CADM2: variants seen among roughly 807,000 people sequenced by gnomAD.
The protein encoded by CADM2 is cell adhesion molecule 2, also known as immunoglobulin superfamily member 4D.
Under a neutral mutation model 49.8 loss-of-function variants are expected in CADM2, and 12 were observed. The observed-to-expected ratio is 0.24, with a 90% CI of 0.15 to 0.39. CADM2 has a LOEUF of 0.39. Among genes scored for constraint, CADM2 ranks in the 10% least tolerant of loss-of-function variants. CADM2 has a pLI of 1.00. For synonymous variants in CADM2, 214 were observed against 175.4 expected, an observed-to-expected ratio of 1.22 and a Z score of -1.74; for missense variants, 378 against 492.3, an observed-to-expected ratio of 0.77 and a Z score of 2.20.
At chr3:85,621,767 C>T (rs1358206713) in intron 1 of CADM2, among the ~76,000 whole-genome samples, 1 of 152,088 alleles carries the variant, frequency 6.6e-6, no homozygotes, top group African/African-American at 2.4e-5. Context: ...TCCAGCACAA[C>T]TCTTTTGACA....
chr3:85,952,656 T>G (rs1248585361), intron 7 of CADM2, among the ~76,000 whole-genome samples: 2 of 150,968 alleles, frequency 1.3e-5, no homozygotes, highest in East Asian at 3.9e-4. Flanking sequence ...TTGTACAGAC[T>G]AGAGGCTGTA....
At chr3:85,775,301 C>T (rs910690298) in intron 2 of CADM2, among the ~76,000 whole-genome samples, 5 of 151,692 alleles carry the variant, frequency 3.3e-5, no homozygotes, top group African/African-American at 1.2e-4. Context: ...ATTTACATTT[C>T]TGCAAAACAA....
At chr3:85,412,618 T>A (rs1490326012) in intron 1 of CADM2, among the ~76,000 whole-genome samples, 1 of 151,934 alleles carries the variant, frequency 6.6e-6, no homozygotes, top group Admixed American at 6.6e-5. Flanking sequence ...ATACAGCCTC[T>A]AATAAAGGGA....
At chr3:85,914,951 T>A (rs1166931761) in intron 6 of CADM2, among the ~76,000 whole-genome samples, 1 of 152,192 alleles carries the variant, frequency 6.6e-6, no homozygotes, top group Non-Finnish European at 1.5e-5. Flanking sequence ...TTGTGGACAT[T>A]GAGGGTCCTG....
At chr3:85,423,956 C>G (rs1377732382) in intron 1 of CADM2, among the ~76,000 whole-genome samples, 1 of 152,112 alleles carries the variant, frequency 6.6e-6, no homozygotes, top group African/African-American at 2.4e-5. Flanking sequence ...TTCTTGAATC[C>G]TCTTTCAACC....
rs549746145 is a variant in CADM2, at chr3:85,196,474, T to G, written c.61+236806T>G. On this transcript the variant is annotated intron_variant, in intron 1 of 9. Coordinates refer to ENST00000383699, the MANE Select transcript of CADM2 (RefSeq NM_001167675.2). ...TTTATAAGATGATACTATTTTAAAA[T>G]TATGACTCATCAGGAGAGTAGTTAA... Among the ~76,000 whole-genome samples the G allele has an allele frequency of 3.9e-5, 6 of 152,078 alleles. No individual in the cohort carries two copies. In the East Asian group the frequency reaches 9.6e-4, roughly 24 times the overall value.
chr3:85,768,280 C>T (rs1410374757), intron 2 of CADM2, among the ~76,000 whole-genome samples: 1 of 151,790 alleles, frequency 6.6e-6, no homozygotes, highest in Non-Finnish European at 1.5e-5. Flanking sequence ...AACCCCATCT[C>T]TACTAAAATA....
In CADM2 at chr3:85,783,548, C is replaced by T. The variant is rs191312173; in HGVS notation, c.89-18499C>T. ...GTCAGTAGGGAGAGTTGACGCTTAT[C>T]AACCCTGCCATATGAGTCCATATTT... On this transcript the variant is annotated intron_variant, in intron 2 of 9. Transcript: ENST00000383699. Among the ~76,000 whole-genome samples, 781 of 152,286 alleles carry T rather than the reference C, an allele frequency of 5.1e-3. 5 individuals carry two copies. Among genetic ancestry groups the T allele is most frequent in the Non-Finnish European group, 5.7e-3 (388 of 68,030 alleles).
At chr3:85,897,710 T>G (rs1362726877) in intron 5 of CADM2, among the ~76,000 whole-genome samples, 1 of 152,186 alleles carries the variant, frequency 6.6e-6, no homozygotes, top group Non-Finnish European at 1.5e-5. Flanking sequence ...TTTATTTATT[T>G]TATTTGGTGT....
intron 8 of CADM2, among the ~76,000 whole-genome samples, chr3:86,007,758 A>G (rs1203235873): frequency 6.6e-6 from 1 of 152,212 alleles, no homozygotes; most frequent in Non-Finnish European, 1.5e-5. Context: ...TGTTTACATT[A>G]CTATGGAGTT....
intron 1 of CADM2, among the ~76,000 whole-genome samples, chr3:85,651,886 C>T (rs2065051443): frequency 6.7e-6 from 1 of 149,884 alleles, no homozygotes; most frequent in African/African-American, 2.5e-5. Context: ...GGCGTGATCT[C>T]GGCTCACTGC....
Position 85,580,912 on chromosome 3 carries a change from A to G in CADM2, c.62-145610A>G, listed in dbSNP as rs2062775985. ...AAATGCTTAGAATATGTTAGCTGTTATTTTTACTATTATATGTAGATTCAT... is the reference window on the plus strand; with the variant it reads ...AAATGCTTAGAATATGTTAGCTGTTGTTTTTACTATTATATGTAGATTCAT... On this transcript the variant is annotated intron_variant, in intron 1 of 9. Coordinates refer to ENST00000383699, the MANE Select transcript of CADM2 (RefSeq NM_001167675.2). Among the ~76,000 whole-genome samples, 4 of 152,026 alleles carry G rather than the reference A, an allele frequency of 2.6e-5. No individual in the cohort carries two copies. The South Asian group carries it at 8.3e-4, about 32-fold the overall frequency.
chr3:85,599,038 A>G (rs576710071), intron 1 of CADM2, among the ~76,000 whole-genome samples: 5 of 151,966 alleles, frequency 3.3e-5, no homozygotes, highest in Non-Finnish European at 7.4e-5. Context: ...TTCTAATTCA[A>G]GTACTGAGTT....
At chr3:85,989,431 G>A (rs1280055739) in intron 8 of CADM2, among the ~76,000 whole-genome samples, 1 of 152,036 alleles carries the variant, frequency 6.6e-6, no homozygotes, top group African/African-American at 2.4e-5. Flanking sequence ...GACACTGGGG[G>A]ACAGGGGACC....
At chr3:85,425,739 G>C (rs1238036393) in intron 1 of CADM2, among the ~76,000 whole-genome samples, 1 of 152,154 alleles carries the variant, frequency 6.6e-6, no homozygotes, top group Non-Finnish European at 1.5e-5. Context: ...GTCCAGTGGA[G>C]TCAAAGGATT....
Position 85,296,866 on chromosome 3 carries a change from C to T in CADM2, c.61+337198C>T, listed in dbSNP as rs1040877985. Among the ~76,000 whole-genome samples, 3 of 152,030 alleles carry T rather than the reference C, an allele frequency of 2.0e-5. No homozygotes were observed. The East Asian group carries it at 5.8e-4, about 29-fold the overall frequency. ...GTTGCAAATACCTTGTCCTTCAAGACCCAATGCATGAAAACAATGTCCCAT... is the reference window on the plus strand; with the variant it reads ...GTTGCAAATACCTTGTCCTTCAAGATCCAATGCATGAAAACAATGTCCCAT... On this transcript the variant is annotated intron_variant, in intron 1 of 9. Transcript: ENST00000383699.
chr3:86,019,892 C>G (rs575544363), intron 8 of CADM2, among the ~76,000 whole-genome samples: 7 of 152,138 alleles, frequency 4.6e-5, no homozygotes, highest in Non-Finnish European at 7.4e-5. Flanking sequence ...CCTAATTGCC[C>G]TGGCCAAAAT....
intron 1 of CADM2, among the ~76,000 whole-genome samples, chr3:85,254,515 C>T (rs1460312174): frequency 6.6e-6 from 1 of 152,020 alleles, no homozygotes; most frequent in African/African-American, 2.4e-5. Context: ...CTGCTCTCAT[C>T]CTGAAGCTAC....
At chr3:85,499,514 G>T (rs1576663713) in intron 1 of CADM2, among the ~76,000 whole-genome samples, 1 of 151,360 alleles carries the variant, frequency 6.6e-6, no homozygotes, top group East Asian at 1.9e-4. Context: ...ATATATTTAT[G>T]ATTATAATTA....
Sources: allele counts gnomAD v4.1 joint callset (sites outside exome capture counted in the v4.1 genomes callset), GRCh38; gene constraint gnomAD v4.1.1; transcripts MANE v1.5; gene names NCBI Gene and HGNC (gene_info 2026-07-23, HGNC 2026-07-21).